The following ARHGAP19 variants were observed in gnomAD, a reference collection of about 807,000 sequenced individuals.
The protein encoded by ARHGAP19 is rho GTPase-activating protein 19.
Under a neutral mutation model 60.9 loss-of-function variants are expected in ARHGAP19, and 48 were observed. The ratio of observed to expected loss-of-function variants is 0.79; its 90% CI spans 0.62 to 1.00. The LOEUF is 1.00. ARHGAP19 is among the 50% of genes least tolerant of loss of function. The pLI, the probability that ARHGAP19 is intolerant of heterozygous loss-of-function variation, is 0.00. For missense variants in ARHGAP19, 562 were observed against 597.2 expected, an observed-to-expected ratio of 0.94 and a Z score of 0.61; for synonymous variants, 209 against 215.5, an observed-to-expected ratio of 0.97 and a Z score of 0.27.
At chr10:97,260,477 C>T (rs1842816059) in intron 4 of ARHGAP19, among the ~76,000 whole-genome samples, 1 of 151,770 alleles carries the variant, frequency 6.6e-6, no homozygotes, top group African/African-American at 2.4e-5. Context: ...TTGCAGTGAG[C>T]CGAGATCATG....
chr10:97,229,056 T>G (rs1429825396), intron 11 of ARHGAP19, 91 bp downstream of exon 11: 1 of 1,254,244 alleles, frequency 8.0e-7, no homozygotes, highest in East Asian at 2.3e-5. Flanking sequence ...TGACTACAAA[T>G]GTACTATCCT....
At chr10:97,252,998 T>C (rs1251859082) in intron 6 of ARHGAP19, among the ~76,000 whole-genome samples, 4 of 152,066 alleles carry the variant, frequency 2.6e-5, no homozygotes, top group South Asian at 2.1e-4. Flanking sequence ...TCCTGTCAAA[T>C]TGCAGCAACA....
chr10:97,272,063 T>C (rs1842964985), intron 1 of ARHGAP19, among the ~76,000 whole-genome samples: 1 of 151,996 alleles, frequency 6.6e-6, no homozygotes. Flanking sequence ...TAAATTTTCC[T>C]TGTAATGTCT....
At chr10:97,283,074 C>A (rs1843106973) in intron 1 of ARHGAP19, among the ~76,000 whole-genome samples, 1 of 151,258 alleles carries the variant, frequency 6.6e-6, no homozygotes, top group South Asian at 2.1e-4. Context: ...AACTCCTGAC[C>A]TCAGGCAATC....
intron 6 of ARHGAP19, among the ~76,000 whole-genome samples, chr10:97,253,795 C>CA (rs1003573162): frequency 1.3e-5 from 2 of 151,902 alleles, no homozygotes; most frequent in African/African-American, 4.8e-5. Flanking sequence ...AAAAGTTTAC[C>CA]AAAAAATCAT....
chr10:97,266,356 G>A (rs537362446), intron 1 of ARHGAP19, among the ~76,000 whole-genome samples: 8 of 152,156 alleles, frequency 5.3e-5, no homozygotes, highest in South Asian at 2.1e-4. Flanking sequence ...CTTTTCCCAT[G>A]TCCACAAATA....
rs1425207401 is a variant in ARHGAP19, at chr10:97,223,444, G to C, written c.*2678C>G. 2 of 152,150 alleles carry C rather than the reference G, an allele frequency of 1.3e-5. No homozygotes were observed. The highest frequency in any genetic ancestry group is 1.3e-4 in the Admixed American group (2 of 15,272). 9.4% of individuals were successfully genotyped at this position (152,150 alleles called of 1,614,324 possible). ...CCTATGGTTCTCACTAATTTAGTCA[G>C]TGGGGTTCACACAGTACAGTCTGGA... On this transcript the variant is annotated 3_prime_UTR_variant, in exon 12 of 12. Transcript: ENST00000358531.
intron 5 of ARHGAP19, among the ~76,000 whole-genome samples, chr10:97,256,891 G>T (rs919681958): frequency 6.6e-6 from 1 of 152,166 alleles, no homozygotes; most frequent in Non-Finnish European, 1.5e-5. Flanking sequence ...GGAGGCCAAG[G>T]CGGGCAGATC....
rs1015716891 is a variant in ARHGAP19 at position 97,269,184 on chromosome 10, T to C, written c.57-3059A>G. Among the ~76,000 whole-genome samples the C allele has an allele frequency of 1.6e-4, 25 of 152,266 alleles. 1 individual carries two copies. The South Asian group carries it at 1.7e-3, about 10-fold the overall frequency. ...AAATATAACTAATCTACAAAGGACA[T>C]TGTCAATACTACATGGATAATTGTT... On this transcript the variant is annotated intron_variant, in intron 1 of 11. Coordinates refer to ENST00000358531, the MANE Select transcript of ARHGAP19 (RefSeq NM_032900.6).
At position 97,292,589 on chromosome 10, in the gene ARHGAP19, G is replaced by A; in HGVS notation, c.39C>T (p.Ala13=). 1.2e-6 allele frequency: 2 copies of A among 1,614,184 alleles called. No individual in the cohort carries two copies. The highest frequency in any genetic ancestry group is 1.7e-6 in the Non-Finnish European group (2 of 1,180,026). ...TEAQSEGEVP[A]RESGRSDAIC... is the part of the protein sequence containing the mutation. ...CAGCTCACCTCCGGCCGGATTCGCG[G>A]GCTGGCACCTCCCCTTCACTCTGTG... The change falls in exon 1 of 12, where the codon GCC becomes GCT. Residue 13 remains alanine (A), a synonymous_variant. Transcript: ENST00000358531.
intron 9 of ARHGAP19, among the ~76,000 whole-genome samples, chr10:97,230,849 G>A (rs1054736660): frequency 1.3e-5 from 2 of 151,900 alleles, no homozygotes; most frequent in Non-Finnish European, 2.9e-5. Context: ...GTGAATCGCT[G>A]GAGGCCAGGA....
chr10:97,256,843 C>G (rs542390403), intron 5 of ARHGAP19, among the ~76,000 whole-genome samples: 11 of 152,246 alleles, frequency 7.2e-5, no homozygotes, highest in Admixed American at 6.5e-4. Flanking sequence ...GTAAAATTAC[C>G]GGGCGTGGTG....
rs188608453 is a variant in ARHGAP19 at position 97,256,244 on chromosome 10, A to T, written c.927+74T>A. ...ACCTTTTTCTCGTTTAGTTATCTTT[A>T]TAGCCCCACTTAGGATCCCACCTTG... On this transcript the variant is annotated intron_variant, in intron 6 of 11. Coordinates refer to ENST00000358531, the MANE Select transcript of ARHGAP19 (RefSeq NM_032900.6). The T allele has an allele frequency of 5.0e-6, 6 of 1,191,630 alleles. No individual in the cohort carries two copies. In the Admixed American group the frequency reaches 1.0e-4, roughly 21 times the overall value. The allele number at this position is 1,191,630 out of a possible 1,614,324, so 73.8% of individuals were successfully genotyped here. A position where few individuals can be genotyped will look rare whatever the true frequency, so the allele number is the denominator to read the frequency against.
intron 1 of ARHGAP19, among the ~76,000 whole-genome samples, chr10:97,282,802 A>C (rs1843101971): frequency 6.8e-6 from 1 of 147,580 alleles, no homozygotes; most frequent in Non-Finnish European, 1.5e-5. Context: ...AACCTATTAA[A>C]TGTTCTCTGT....
At chr10:97,255,074 C>T (rs1456776744) in intron 6 of ARHGAP19, among the ~76,000 whole-genome samples, 2 of 152,062 alleles carry the variant, frequency 1.3e-5, no homozygotes, top group African/African-American at 4.8e-5. Context: ...GAGGGTTTTA[C>T]GGAGTTACTG....
Position 97,222,962 on chromosome 10 carries a change from G to T in ARHGAP19, c.*3160C>A, listed in dbSNP as rs967205586. ...CCAGTGACCACAGGTTCTCCTAGAC[G>T]GCAGTATTTTCAACTGCATGCTAAC... On this transcript the variant is annotated 3_prime_UTR_variant, in exon 12 of 12. Transcript: ENST00000358531. The T allele has an allele frequency of 5.3e-5, 8 of 152,254 alleles. No homozygotes were observed. The highest frequency in any genetic ancestry group is 1.9e-4 in the African/African-American group (8 of 41,540). 9.4% of individuals were successfully genotyped at this position (152,254 alleles called of 1,614,324 possible).
chr10:97,237,858 G>A (rs777318224), intron 8 of ARHGAP19, among the ~76,000 whole-genome samples: 1 of 151,560 alleles, frequency 6.6e-6, no homozygotes, highest in Non-Finnish European at 1.5e-5. Flanking sequence ...GCGAAAGAGC[G>A]AGACTCTATC....
intron 9 of ARHGAP19, among the ~76,000 whole-genome samples, chr10:97,230,291 G>GAGGGATACTT (rs1029286713): frequency 1.2e-4 from 19 of 152,114 alleles, no homozygotes; most frequent in Non-Finnish European, 2.8e-4. Flanking sequence ...ACTTACCACT[G>GAGGGATACTT]AGGGATACTT....
At chr10:97,247,452 A>G (rs1017460356) in intron 6 of ARHGAP19, among the ~76,000 whole-genome samples, 5 of 152,328 alleles carry the variant, frequency 3.3e-5, no homozygotes, top group Non-Finnish European at 7.3e-5. Flanking sequence ...ATAAAATTAC[A>G]TTTGCACTTA....
Sources: gnomAD v4.1 joint callset for allele counts (sites outside exome capture counted in the v4.1 genomes callset) on GRCh38, gnomAD v4.1.1 for gene constraint, MANE v1.5 for transcripts, NCBI Gene and HGNC (gene_info 2026-07-23, HGNC 2026-07-21) for gene names.